The following ANK1 variants were observed in gnomAD, a reference collection of about 807,000 sequenced individuals.
The protein encoded by ANK1 is ankyrin 1, also known as ankyrin-1.
A neutral mutation model predicts 210.4 loss-of-function variants in ANK1; 51 were observed. The ratio of observed to expected loss-of-function variants is 0.24; its 90% CI spans 0.19 to 0.31. ANK1 has a LOEUF of 0.31. Ranked by LOEUF, ANK1 falls within the 10% of genes least tolerant of loss-of-function variation. ANK1 has a pLI of 1.00. For synonymous variants in ANK1, 967 were observed against 1,025.9 expected, an observed-to-expected ratio of 0.94 and a Z score of 1.10; for missense variants, 2,051 against 2,504.4, an observed-to-expected ratio of 0.82 and a Z score of 3.86.
At chr8:41,839,331 A>T (rs569190596) in intron 1 of ANK1, among the ~76,000 whole-genome samples, 2 of 152,374 alleles carry the variant, frequency 1.3e-5, no homozygotes, top group South Asian at 4.1e-4. Flanking sequence ...AGATAAGGAA[A>T]CCCAGTCACT....
At chr8:41,723,504 C>G (rs932781024) in intron 8 of ANK1, 31 bp downstream of exon 8, 3 of 1,612,072 alleles carry the variant, frequency 1.9e-6, no homozygotes, top group Admixed American at 3.3e-5. Flanking sequence ...CTCCCTCCCC[C>G]TGCCTGGCTA....
intron 40 of ANK1, 54 bp from the exon 41 acceptor site, chr8:41,661,995 A>G: frequency 6.3e-7 from 1 of 1,591,954 alleles, no homozygotes; most frequent in Non-Finnish European, 8.6e-7. Flanking sequence ...TCGGGGGCTC[A>G]TGTCTGTAAT....
chr8:41,661,257 TCAG>T (rs903621768), intron 42 of ANK1, 170 bp downstream of exon 42: 7 of 985,092 alleles, frequency 7.1e-6, no homozygotes, highest in Middle Eastern at 3.1e-4. Flanking sequence ...AAGCTGGGGT[TCAG>T]AGCCAACTGT....
In ANK1 at chr8:41,797,497, C is replaced by G. The variant is rs576976990; in HGVS notation, c.27+15G>C. 4 of 1,612,416 alleles carry G rather than the reference C, an allele frequency of 2.5e-6. No homozygotes were observed. The South Asian group carries it at 4.4e-5, about 18-fold the overall frequency. On this transcript the variant is annotated intron_variant, in intron 1 of 42. Transcript: ENST00000289734. The surrounding 1 kb of genome is among the most constrained non-coding windows in gnomAD (Gnocchi z 4.0). ...GACATCTCCCCGTCCACCCGAGCAG[C>G]CGCCCAGTACTCACTTCGCGGAAGC...
At chr8:41,746,946 T>C (rs1586660620) in intron 2 of ANK1, among the ~76,000 whole-genome samples, 2 of 151,922 alleles carry the variant, frequency 1.3e-5, no homozygotes, top group African/African-American at 4.8e-5. Flanking sequence ...GCTTCTAAAC[T>C]GTCCTTATCT....
In ANK1 at chr8:41,655,564, G is replaced by T; in HGVS notation, c.*226C>A. ...AGCTGTCATTGCAAGAGGCAGGATT[G>T]AAGCCTGGAGGTCATGCGTCTACAG... On this transcript the variant is annotated 3_prime_UTR_variant, in exon 43 of 43. Transcript: ENST00000289734. 2.5e-6 allele frequency: 2 copies of T among 792,436 alleles called. No homozygotes were observed. The highest frequency in any genetic ancestry group is 2.7e-5 in the East Asian group (1 of 37,224). 49.1% of individuals were successfully genotyped at this position (792,436 alleles called of 1,614,324 possible).
intron 1 of ANK1, among the ~76,000 whole-genome samples, chr8:41,808,470 G>A (rs941254296): frequency 6.6e-6 from 1 of 152,094 alleles, no homozygotes; most frequent in African/African-American, 2.4e-5. Flanking sequence ...TTCGAGACCA[G>A]CCTGACCAAC....
chr8:41,826,924 G>A (rs909121722), intron 1 of ANK1, among the ~76,000 whole-genome samples: 2 of 151,938 alleles, frequency 1.3e-5, no homozygotes, highest in Non-Finnish European at 2.9e-5. Flanking sequence ...TCTCCATCCC[G>A]TAAAGCCTTG....
intron 1 of ANK1, among the ~76,000 whole-genome samples, chr8:41,818,743 C>A (rs1461135544): frequency 1.3e-5 from 2 of 151,984 alleles, no homozygotes; most frequent in Non-Finnish European, 1.5e-5. Flanking sequence ...CTCTGCCTCC[C>A]TAAATGCTAG....
chr8:41,842,192 G>C (rs775559852), intron 1 of ANK1, among the ~76,000 whole-genome samples: 8 of 152,162 alleles, frequency 5.3e-5, no homozygotes, highest in Non-Finnish European at 7.3e-5. Context: ...TGTGGCTTTC[G>C]AGTAAAGATC....
chr8:41,663,781 G>A (rs1809375440), intron 39 of ANK1, 39 bp from the exon 40 acceptor site: 11 of 1,527,954 alleles, frequency 7.2e-6, no homozygotes, highest in Non-Finnish European at 1.0e-5. Flanking sequence ...AGATTGGTGA[G>A]TGGGAGTCTG....
intron 1 of ANK1, among the ~76,000 whole-genome samples, chr8:41,823,126 A>G (rs939922971): frequency 2.0e-5 from 3 of 152,174 alleles, no homozygotes; most frequent in East Asian, 3.9e-4. Flanking sequence ...CTTTTTATTT[A>G]TTAGGTGGTA....
chr8:41,887,136 C>T (rs1371895132), intron 1 of ANK1, among the ~76,000 whole-genome samples: 1 of 152,082 alleles, frequency 6.6e-6, no homozygotes, highest in African/African-American at 2.4e-5. Context: ...CAGAGAAAGC[C>T]CTGCTACCCT....
chr8:41,739,522 T>TTTTTTTTTTTTTTTC (rs1834207079), intron 2 of ANK1, among the ~76,000 whole-genome samples: 7 of 35,414 alleles, frequency 2.0e-4, no homozygotes, highest in Admixed American at 2.7e-4. Context: ...TTTTTCTTTC[T>TTTTTTTTTTTTTTTC]TTTTTTTTTT....
At chr8:41,870,081 G>A (rs1444237245) in intron 1 of ANK1, among the ~76,000 whole-genome samples, 4 of 151,990 alleles carry the variant, frequency 2.6e-5, no homozygotes, top group African/African-American at 9.7e-5. Context: ...AGGGATTCAG[G>A]CGGTTCAAGG....
intron 1 of ANK1, among the ~76,000 whole-genome samples, chr8:41,893,472 C>T (rs1191512779): frequency 6.6e-6 from 1 of 152,194 alleles, no homozygotes; most frequent in Non-Finnish European, 1.5e-5. Context: ...TGCGTCACAA[C>T]ACCAGCCTCC....
Position 41,727,995 on chromosome 8 carries a change from C to G in ANK1, c.240G>C (p.Thr80=), listed in dbSNP as rs529168269. 12 of 1,613,974 alleles carry G rather than the reference C, an allele frequency of 7.4e-6. No individual in the cohort carries two copies. Among genetic ancestry groups the G allele is most frequent in the Non-Finnish European group, 8.5e-6 (10 of 1,180,048 alleles). The change falls in exon 4 of 43, where the codon ACG becomes ACC. Residue 80 remains threonine, a synonymous_variant. Coordinates refer to ENST00000289734, the MANE Select transcript of ANK1 (RefSeq NM_000037.4). ...CGGCTAGAGCAGCGATGTGCAGGGC[C>G]GTGTTCCCCTTCTGAAACACATGGG... is the stretch of plus-strand genomic sequence containing the variant. The part of the protein sequence containing the change: ...ILETTTKKGN[T]ALHIAALAGQ...
intron 31 of ANK1, among the ~76,000 whole-genome samples, chr8:41,692,203 C>T (rs1396719948): frequency 6.6e-6 from 1 of 152,218 alleles, no homozygotes; most frequent in South Asian, 2.1e-4. Context: ...ATTACAGGCA[C>T]GTGCCATCAT....
chr8:41,848,814 G>T (rs1274442375), intron 1 of ANK1, among the ~76,000 whole-genome samples: 1 of 152,124 alleles, frequency 6.6e-6, no homozygotes, highest in African/African-American at 2.4e-5. Context: ...TTTACAACTG[G>T]ATACATCAAG....
Sources: allele counts gnomAD v4.1 joint callset (sites outside exome capture counted in the v4.1 genomes callset), GRCh38; gene constraint gnomAD v4.1.1; non-coding constraint Gnocchi (gnomAD v3.1); transcripts MANE v1.5; gene names NCBI Gene and HGNC (gene_info 2026-07-23, HGNC 2026-07-21).